DCPH1: variants seen among roughly 807,000 people sequenced by gnomAD.
DCPH1 encodes damage control phosphatase 1.
At chr6:151,467,168 C>T in the DCPH1 span, among the ~76,000 whole-genome samples, 1 of 151,612 alleles carries the variant, frequency 6.6e-6, no homozygotes, top group African/African-American at 2.4e-5. Flanking sequence ...AGGAGAAAAG[C>T]TTGAACCCGT....
At chr6:151,456,370 A>G in the DCPH1 span, among the ~76,000 whole-genome samples, 667 of 152,336 alleles carry the variant, frequency 4.4e-3, 1 homozygote, top group Non-Finnish European at 4.8e-3. Context: ...ACACACATGC[A>G]GTTTGAGTGT....
At chr6:151,469,097 A>G in the DCPH1 span, 2 of 1,609,760 alleles carry the variant, frequency 1.2e-6, no homozygotes, top group Non-Finnish European at 8.5e-7. Context: ...TTTCAGTACG[A>G]TGGTCCCCTT....
chr6:151,454,862 G>T, the DCPH1 span, among the ~76,000 whole-genome samples: 2 of 152,256 alleles, frequency 1.3e-5, no homozygotes, highest in East Asian at 3.9e-4. Context: ...AATTCTGTCA[G>T]TTATTTAGAC....
At chr6:151,458,432 T>C in the DCPH1 span, 6 of 1,613,770 alleles carry the variant, frequency 3.7e-6, no homozygotes, top group East Asian at 1.1e-4. Flanking sequence ...AATTTGTTGA[T>C]ACTGATATAT....
chr6:151,466,710 T>G, the DCPH1 span, among the ~76,000 whole-genome samples: 4 of 152,130 alleles, frequency 2.6e-5, no homozygotes, highest in Admixed American at 6.5e-5. Flanking sequence ...TATCAAAACT[T>G]GTAATCTTGA....
chr6:151,463,468 G>T, the DCPH1 span, among the ~76,000 whole-genome samples: 2 of 152,282 alleles, frequency 1.3e-5, no homozygotes, highest in Non-Finnish European at 2.9e-5. Flanking sequence ...TGTGATCACT[G>T]ACAGGAGGTT....
At chr6:151,469,281 C>T in the DCPH1 span, 2 of 526,674 alleles carry the variant, frequency 3.8e-6, no homozygotes, top group Middle Eastern at 4.9e-4. Flanking sequence ...AACATTTTGC[C>T]CCACTACACT....
the DCPH1 span, chr6:151,464,770 G>C: frequency 5.4e-6 from 3 of 555,368 alleles, no homozygotes; most frequent in Admixed American, 4.1e-5. Flanking sequence ...TTAATTGCTA[G>C]AAATGGGTTT....
At chr6:151,461,768 G>T in the DCPH1 span, among the ~76,000 whole-genome samples, 1 of 152,188 alleles carries the variant, frequency 6.6e-6, no homozygotes, top group Non-Finnish European at 1.5e-5. Flanking sequence ...TTTTCTTTCG[G>T]AAGCTCAGGG....
chr6:151,464,828 T>G, the DCPH1 span, among the ~76,000 whole-genome samples: 1 of 152,234 alleles, frequency 6.6e-6, no homozygotes, highest in Non-Finnish European at 1.5e-5. Context: ...GGCAAAGAAG[T>G]TATCTGACTT....
At chr6:151,458,578 T>C in the DCPH1 span, 4 of 1,588,672 alleles carry the variant, frequency 2.5e-6, no homozygotes, top group South Asian at 4.6e-5. Context: ...CAGAGGTACG[T>C]GTGTAATCAT....
the DCPH1 span, among the ~76,000 whole-genome samples, chr6:151,462,956 G>A: frequency 1.3e-5 from 2 of 152,278 alleles, no homozygotes; most frequent in African/African-American, 2.4e-5. Context: ...GGTCTCTGTT[G>A]CAGCTGCCGA....
At chr6:151,468,661 A>G in the DCPH1 span, 1 of 1,613,928 alleles carries the variant, frequency 6.2e-7, no homozygotes, top group African/African-American at 1.3e-5. Flanking sequence ...TTCTGATACT[A>G]CTATACATGA....
the DCPH1 span, among the ~76,000 whole-genome samples, chr6:151,456,468 G>T: frequency 3.9e-5 from 6 of 152,074 alleles, no homozygotes; most frequent in Admixed American, 1.3e-4. Context: ...GTTCCTTGTT[G>T]CTAAAATCCG....
At chr6:151,458,400 C>T in the DCPH1 span, 3 of 1,613,374 alleles carry the variant, frequency 1.9e-6, no homozygotes, top group African/African-American at 1.3e-5. Flanking sequence ...AACAGATAAA[C>T]CATTTATCCC....
At chr6:151,453,919 G>A in the DCPH1 span, among the ~76,000 whole-genome samples, 1 of 152,106 alleles carries the variant, frequency 6.6e-6, no homozygotes, top group Non-Finnish European at 1.5e-5. Context: ...TAAAATCTCT[G>A]ATTTTTTGAG....
chr6:151,457,199 C>G, the DCPH1 span, among the ~76,000 whole-genome samples: 1 of 152,164 alleles, frequency 6.6e-6, no homozygotes, highest in African/African-American at 2.4e-5. Context: ...ACGTCCGTGC[C>G]CTTAGACTAC....
chr6:151,454,080 T>A, the DCPH1 span, among the ~76,000 whole-genome samples: 11 of 152,310 alleles, frequency 7.2e-5, no homozygotes, highest in African/African-American at 2.6e-4. Flanking sequence ...AGAAACAGGC[T>A]TAAAAGTACC....
At chr6:151,454,918 G>C in the DCPH1 span, among the ~76,000 whole-genome samples, 2 of 152,106 alleles carry the variant, frequency 1.3e-5, no homozygotes, top group Non-Finnish European at 2.9e-5. Context: ...ATTGGTGACT[G>C]GGCAACAGAC....
Sources: gnomAD v4.1 joint callset for allele counts (sites outside exome capture counted in the v4.1 genomes callset) on GRCh38, gnomAD v4.1.1 for gene constraint, MANE v1.5 for transcripts, NCBI Gene and HGNC (gene_info 2026-07-23, HGNC 2026-07-21) for gene names.